The following DNAJC6 variants were observed in gnomAD, a reference collection of about 807,000 sequenced individuals.
DNAJC6 encodes DnaJ heat shock protein family (Hsp40) member C6.
Under a neutral mutation model 110.0 loss-of-function variants are expected in DNAJC6, and 34 were observed. That is an observed-to-expected ratio of 0.31 (90% CI 0.24 to 0.41). The LOEUF (loss-of-function observed/expected upper bound fraction) is 0.41, where lower values mean the gene tolerates loss of function less well. DNAJC6 is among the 10% of genes least tolerant of loss of function. DNAJC6 has a pLI of 1.00. For missense variants in DNAJC6, 1,031 were observed against 1,207.8 expected, an observed-to-expected ratio of 0.85 and a Z score of 2.17; for synonymous variants, 406 against 437.2, an observed-to-expected ratio of 0.93 and a Z score of 0.89.
intron 1 of DNAJC6, among the ~76,000 whole-genome samples, chr1:65,313,334 G>C (rs937394873): frequency 8.6e-5 from 13 of 151,872 alleles, no homozygotes; most frequent in Admixed American, 8.5e-4. Context: ...CAAAGTGCTC[G>C]GATTACAGAC....
intron 1 of DNAJC6, among the ~76,000 whole-genome samples, chr1:65,362,082 A>G (rs546020707): frequency 7.3e-4 from 110 of 151,264 alleles, no homozygotes; most frequent in African/African-American, 2.6e-3. Context: ...ACAAGTTTGA[A>G]GAAATTAATT....
intron 1 of DNAJC6, among the ~76,000 whole-genome samples, chr1:65,328,836 C>T (rs1286058465): frequency 6.6e-6 from 1 of 152,170 alleles, no homozygotes; most frequent in Non-Finnish European, 1.5e-5. Flanking sequence ...CTCCTCCAAA[C>T]ACATCATCAG....
chr1:65,411,377 A>G lies in DNAJC6; in HGVS notation c.2762A>G (p.Gln921Arg). 6.2e-7 allele frequency: 1 copy of G among 1,614,210 alleles called. No individual in the cohort carries two copies. Among genetic ancestry groups the G allele is most frequent in the South Asian group, 1.1e-5 (1 of 91,080 alleles). The change falls in exon 18 of 19, where the codon CAG (glutamine) becomes CGG (arginine). Residue 921 changes from glutamine (Q) to arginine (R), a missense_variant. Gln to Arg is a conservative substitution (Grantham distance 43). Transcript: ENST00000371069. ...ATGGCAGACCTGGTAACACCAGAGC[A>G]GGTGAAGAAGGTGTACAGGAAGGCT... ...VGMADLVTPE[Q>R]VKKVYRKAVL... is the part of the protein sequence containing the mutation.
At chr1:65,397,072 A>G (rs1207584693) in intron 13 of DNAJC6, among the ~76,000 whole-genome samples, 1 of 152,162 alleles carries the variant, frequency 6.6e-6, no homozygotes, top group African/African-American at 2.4e-5. Flanking sequence ...TGGTGTTTAT[A>G]ACCCAGTTTA....
Position 65,413,772 on chromosome 1 carries a change from A to C in DNAJC6, c.*747A>C, listed in dbSNP as rs1646149208. 6.6e-6 allele frequency: 1 copy of C among 152,204 alleles called. No homozygotes were observed. The highest frequency in any genetic ancestry group is 1.5e-5 in the Non-Finnish European group (1 of 68,038). 9.4% of individuals were successfully genotyped at this position (152,204 alleles called of 1,614,324 possible). ...CGCTACCCTTCTTTCCCTTTAGAAA[A>C]CTGTGATTAATTAAATAAAAAGTCT... On this transcript the variant is annotated 3_prime_UTR_variant, in exon 19 of 19. Coordinates refer to ENST00000371069, the MANE Select transcript of DNAJC6 (RefSeq NM_001256864.2).
At chr1:65,352,741 G>A (rs1645504150) in intron 1 of DNAJC6, among the ~76,000 whole-genome samples, 1 of 152,130 alleles carries the variant, frequency 6.6e-6, no homozygotes, top group Non-Finnish European at 1.5e-5. Context: ...TCAGAAGTTG[G>A]CTTGCAATGG....
intron 2 of DNAJC6, among the ~76,000 whole-genome samples, 178 bp from the exon 3 acceptor site, chr1:65,365,707 A>C (rs1209426472): frequency 6.6e-6 from 1 of 152,112 alleles, no homozygotes; most frequent in Non-Finnish European, 1.5e-5. Context: ...TATACCCCTG[A>C]GGTCACGGGC....
chr1:65,364,574 T>G, intron 1 of DNAJC6, 61 bp from the exon 2 acceptor site: 3 of 1,547,872 alleles, frequency 1.9e-6, no homozygotes, highest in South Asian at 1.2e-5. Context: ...GAGGGATTGG[T>G]TTTCCGTGGA....
At chr1:65,317,652 T>C (rs1645160346) in intron 1 of DNAJC6, among the ~76,000 whole-genome samples, 1 of 152,210 alleles carries the variant, frequency 6.6e-6, no homozygotes, top group Non-Finnish European at 1.5e-5. Context: ...TGTTGTTGTA[T>C]TGTGGTGTAG....
Position 65,392,668 on chromosome 1 carries a change from C to A in DNAJC6, c.1706C>A (p.Ser569Tyr). 2.2e-5 allele frequency: 36 copies of A among 1,612,840 alleles called. No individual in the cohort carries two copies. Among genetic ancestry groups the A allele is most frequent in the Non-Finnish European group, 3.0e-5 (35 of 1,179,392 alleles). Residue 569 changes from serine to tyrosine, a missense_variant, in exon 12 of 19, where the codon TCT (serine) becomes TAT (tyrosine). By Grantham distance (144) the Ser-to-Tyr change is moderately radical. Coordinates refer to ENST00000371069, the MANE Select transcript of DNAJC6 (RefSeq NM_001256864.2). ...LEGSAMSNSF[S>Y]PPAAPPTNSE... The stretch of plus-strand genomic sequence containing the variant: ...GGGTCTGCAATGAGTAACAGCTTCT[C>A]TCCGCCAGCGGCTCCTCCCACCAAT...
intron 12 of DNAJC6, 75 bp downstream of exon 12, chr1:65,392,940 T>C: frequency 7.4e-7 from 1 of 1,349,802 alleles, no homozygotes; most frequent in South Asian, 1.9e-5. Flanking sequence ...GGAATTGAAC[T>C]TTCCTAATAA....
chr1:65,395,624 C>T (rs1355975980), intron 13 of DNAJC6, among the ~76,000 whole-genome samples: 1 of 152,054 alleles, frequency 6.6e-6, no homozygotes. Context: ...AACATCTCAT[C>T]AATATTTTTA....
chr1:65,380,921 G>GTTTTGTTTTTTTTTTTTT (rs1645814303), intron 5 of DNAJC6, among the ~76,000 whole-genome samples: 1 of 99,356 alleles, frequency 1.0e-5, no homozygotes, highest in African/African-American at 5.4e-5. Context: ...GTTTTGTTTT[G>GTTTTGTTTTTTTTTTTTT]TTTTTTTTTT....
chr1:65,411,505 G>A, intron 18 of DNAJC6, 79 bp downstream of exon 18: 7 of 1,405,310 alleles, frequency 5.0e-6, no homozygotes, highest in Non-Finnish European at 6.8e-6. Context: ...TACTTTAAAT[G>A]TGCTGGTTCA....
chr1:65,395,829 A>G (rs1301431901), intron 13 of DNAJC6, among the ~76,000 whole-genome samples: 1 of 152,216 alleles, frequency 6.6e-6, no homozygotes, highest in Admixed American at 6.5e-5. Flanking sequence ...AATCACATCC[A>G]TTTATAAAAG....
rs539254238 is a variant in DNAJC6, at chr1:65,366,195, G to A, written c.542G>A (p.Arg181Gln). ...TATCGAACTGCCAAGTTTCACAGCC[G>A]GGTAAGGATTTTTAGCCCTGAGATC... ...KSYRTAKFHS[R>Q]VSECSWPIRQ... Residue 181 changes from arginine (R) to glutamine (Q), a missense_variant and splice_region_variant, in exon 4 of 19, where the codon CGG (arginine) becomes CAG (glutamine). By Grantham distance (43) the Arg-to-Gln change is conservative. Coordinates refer to ENST00000371069, the MANE Select transcript of DNAJC6 (RefSeq NM_001256864.2). The A allele has an allele frequency of 1.6e-5, 26 of 1,613,224 alleles. No individual in the cohort carries two copies. The highest frequency in any genetic ancestry group is 4.4e-5 in the South Asian group (4 of 90,906).
rs947969935 is a variant in DNAJC6 at position 65,415,596 on chromosome 1, A to G, written c.*2571A>G. 1 of 152,190 alleles carries G rather than the reference A, an allele frequency of 6.6e-6. No individual in the cohort carries two copies. Among genetic ancestry groups the G allele is most frequent in the Non-Finnish European group, 1.5e-5 (1 of 68,024 alleles). The allele number at this position is 152,190 out of a possible 1,614,324, so 9.4% of individuals were successfully genotyped here. ...AAATCAAAGGATTTTCAAAAAAACGAATCTGTATGTTGAGGCAAAAGGATT... is the reference window on the plus strand; with the variant it reads ...AAATCAAAGGATTTTCAAAAAAACGGATCTGTATGTTGAGGCAAAAGGATT... On this transcript the variant is annotated 3_prime_UTR_variant, in exon 19 of 19. Transcript: ENST00000371069.
At chr1:65,349,965 A>G (rs1645475896) in intron 1 of DNAJC6, among the ~76,000 whole-genome samples, 1 of 152,164 alleles carries the variant, frequency 6.6e-6, no homozygotes, top group African/African-American at 2.4e-5. Flanking sequence ...AATAGAGGCT[A>G]GGGATGCTGC....
At chr1:65,331,752 A>T (rs951305283) in intron 1 of DNAJC6, among the ~76,000 whole-genome samples, 1 of 152,246 alleles carries the variant, frequency 6.6e-6, no homozygotes, top group Non-Finnish European at 1.5e-5. Flanking sequence ...TTTGCTGAGT[A>T]TGAGCTCAGG....
Sources: gnomAD v4.1 joint callset for allele counts (sites outside exome capture counted in the v4.1 genomes callset) on GRCh38, gnomAD v4.1.1 for gene constraint, MANE v1.5 for transcripts, NCBI Gene and HGNC (gene_info 2026-07-23, HGNC 2026-07-21) for gene names.